The following PABPC4L variants were observed in gnomAD, a reference collection of about 807,000 sequenced individuals.
PABPC4L encodes polyadenylate-binding protein 4-like.
For synonymous variants in PABPC4L, 169 were observed against 164.1 expected, an observed-to-expected ratio of 1.03 and a Z score of -0.23; for missense variants, 452 against 451.4, an observed-to-expected ratio of 1.00 and a Z score of -0.01.
the PABPC4L span, among the ~76,000 whole-genome samples, chr4:134,099,185 C>T: frequency 4.0e-5 from 6 of 151,716 alleles, no homozygotes; most frequent in South Asian, 2.1e-4. Flanking sequence ...TTAAAATATA[C>T]GTGGTGATAA....
At chr4:134,094,906 C>G in the PABPC4L span, among the ~76,000 whole-genome samples, 1 of 151,410 alleles carries the variant, frequency 6.6e-6, no homozygotes, top group Non-Finnish European at 1.5e-5. Context: ...TTTTATTTCC[C>G]AAACACAAAA....
At chr4:134,014,045 GT>G in the PABPC4L span, among the ~76,000 whole-genome samples, 1 of 152,188 alleles carries the variant, frequency 6.6e-6, no homozygotes, top group African/African-American at 2.4e-5. Context: ...ATCAGATAGT[GT>G]TTAGGCTCTT....
the PABPC4L span, among the ~76,000 whole-genome samples, chr4:134,129,730 A>G: frequency 2.0e-5 from 3 of 152,066 alleles, no homozygotes; most frequent in African/African-American, 7.2e-5. Flanking sequence ...GGGATACAGC[A>G]AAAGTGGTGC....
At chr4:133,972,381 A>G in the PABPC4L span, among the ~76,000 whole-genome samples, 2 of 152,136 alleles carry the variant, frequency 1.3e-5, no homozygotes, top group African/African-American at 4.8e-5. Context: ...CCTTGGACAG[A>G]TATAGCAAAT....
chr4:133,963,178 G>T, the PABPC4L span, among the ~76,000 whole-genome samples: 1 of 152,108 alleles, frequency 6.6e-6, no homozygotes, highest in Non-Finnish European at 1.5e-5. Flanking sequence ...CCAAAATTGA[G>T]CAGGGGTAGC....
the PABPC4L span, among the ~76,000 whole-genome samples, chr4:134,073,821 C>A: frequency 6.6e-6 from 1 of 152,192 alleles, no homozygotes; most frequent in Non-Finnish European, 1.5e-5. Flanking sequence ...GAAGCAATAA[C>A]TTGAGCTGTA....
chr4:134,008,986 T>G, the PABPC4L span, among the ~76,000 whole-genome samples: 3 of 151,828 alleles, frequency 2.0e-5, 1 homozygote, highest in Non-Finnish European at 4.4e-5. Flanking sequence ...AGATATAAAA[T>G]TTTATATGTA....
chr4:134,025,422 A>G, the PABPC4L span, among the ~76,000 whole-genome samples: 1 of 151,976 alleles, frequency 6.6e-6, no homozygotes. Context: ...ATTTACTCCA[A>G]GAAGGGTAGA....
chr4:134,106,357 T>G, the PABPC4L span, among the ~76,000 whole-genome samples: 6 of 151,044 alleles, frequency 4.0e-5, no homozygotes, highest in African/African-American at 1.5e-4. Flanking sequence ...TTGTATAGAA[T>G]TAGTCTAATT....
At chr4:134,131,579 T>C in the PABPC4L span, among the ~76,000 whole-genome samples, 6 of 151,812 alleles carry the variant, frequency 4.0e-5, no homozygotes, top group Non-Finnish European at 5.9e-5. Context: ...TCCATGCTCA[T>C]GGATGGGTAG....
chr4:134,035,755 A>G, the PABPC4L span, among the ~76,000 whole-genome samples: 4 of 152,158 alleles, frequency 2.6e-5, no homozygotes, highest in East Asian at 7.8e-4. Context: ...TGTGAAGGTC[A>G]TTATTATATT....
the PABPC4L span, among the ~76,000 whole-genome samples, chr4:134,108,527 T>G: frequency 1.3e-5 from 2 of 151,922 alleles, no homozygotes; most frequent in African/African-American, 4.8e-5. Context: ...GACTGAAGAA[T>G]CCACAACTGA....
chr4:134,019,596 C>T, the PABPC4L span, among the ~76,000 whole-genome samples: 1 of 152,078 alleles, frequency 6.6e-6, no homozygotes. Flanking sequence ...TGATTATTCT[C>T]ATAGTTTTCA....
the PABPC4L span, among the ~76,000 whole-genome samples, chr4:134,175,433 T>G: frequency 6.6e-6 from 1 of 152,018 alleles, no homozygotes; most frequent in Non-Finnish European, 1.5e-5. Context: ...TTAAATTAAT[T>G]AATTAATTAA....
chr4:134,134,142 AAG>A, the PABPC4L span, among the ~76,000 whole-genome samples: 1 of 152,070 alleles, frequency 6.6e-6, no homozygotes, highest in Non-Finnish European at 1.5e-5. Flanking sequence ...ATTAGAATAA[AAG>A]AGAGTTACTT....
At chr4:134,174,279 T>C in the PABPC4L span, among the ~76,000 whole-genome samples, 10 of 152,116 alleles carry the variant, frequency 6.6e-5, no homozygotes, top group Admixed American at 5.9e-4. Flanking sequence ...GGGCTGTTTT[T>C]ACAGTTACCT....
the PABPC4L span, among the ~76,000 whole-genome samples, chr4:134,022,101 T>C: frequency 6.6e-6 from 1 of 152,118 alleles, no homozygotes; most frequent in South Asian, 2.1e-4. Flanking sequence ...CAGTTACTTT[T>C]GATAGGTTAC....
At chr4:134,178,255 T>A in the PABPC4L span, among the ~76,000 whole-genome samples, 1,439 of 150,472 alleles carry the variant, frequency 9.6e-3, 26 homozygotes, top group African/African-American at 0.033. Flanking sequence ...GCATGGAGAG[T>A]TAGTGGAGGA....
chr4:134,118,257 C>T, the PABPC4L span, among the ~76,000 whole-genome samples: 1 of 151,784 alleles, frequency 6.6e-6, no homozygotes, highest in Non-Finnish European at 1.5e-5. Context: ...GATGTCTCAA[C>T]TTTCCTTGGA....
Sources: allele counts gnomAD v4.1 joint callset (sites outside exome capture counted in the v4.1 genomes callset), GRCh38; gene constraint gnomAD v4.1.1; transcripts MANE v1.5; gene names NCBI Gene and HGNC (gene_info 2026-07-23, HGNC 2026-07-21).